The following RUNX1 variants were observed in gnomAD, a reference collection of about 807,000 sequenced individuals.
RUNX1 encodes the protein runt-related transcription factor 1.
Under a neutral mutation model 42.8 loss-of-function variants are expected in RUNX1, and 19 were observed. That is an observed-to-expected ratio of 0.44 (90% CI 0.31 to 0.65). The LOEUF is 0.65. Among genes scored for constraint, RUNX1 ranks in the 30% least tolerant of loss-of-function variants. The pLI is 0.07. For synonymous variants in RUNX1, 271 were observed against 289.4 expected (o/e 0.94, Z 0.64); for missense variants, 528 against 672.0 (o/e 0.79, Z 2.37).
intron 2 of RUNX1, among the ~76,000 whole-genome samples, chr21:34,935,086 G>A (rs560783637): frequency 6.6e-6 from 1 of 152,092 alleles, no homozygotes; most frequent in East Asian, 1.9e-4. Flanking sequence ...TATATGTTTT[G>A]AAGAGTGAAA....
intron 6 of RUNX1, among the ~76,000 whole-genome samples, chr21:34,851,836 GT>G (rs2057423496): frequency 2.0e-5 from 3 of 152,124 alleles, no homozygotes; most frequent in African/African-American, 7.2e-5. Context: ...CTCTTATTTT[GT>G]TTTCTTTCTA....
intron 2 of RUNX1, among the ~76,000 whole-genome samples, chr21:35,020,844 C>T (rs1434812999): frequency 1.3e-5 from 2 of 152,136 alleles, no homozygotes; most frequent in Non-Finnish European, 2.9e-5. Context: ...TATTTACAAC[C>T]TTTAAAAGTA....
intron 7 of RUNX1, among the ~76,000 whole-genome samples, chr21:34,826,434 C>CTTTTTTTTTT (rs772880673): frequency 4.0e-4 from 42 of 105,360 alleles, no homozygotes; most frequent in Non-Finnish European, 6.0e-4. Context: ...TTCTTTCTTT[C>CTTTTTTTTTT]TTTTTTTTTT....
chr21:34,885,192 T>TA (rs2057962710), intron 4 of RUNX1, among the ~76,000 whole-genome samples: 6 of 152,104 alleles, frequency 3.9e-5, no homozygotes, highest in Admixed American at 3.9e-4. Context: ...ACAAATCTCT[T>TA]AGAGCCCTAG....
chr21:34,804,726 G>C (rs1175720218), intron 7 of RUNX1, among the ~76,000 whole-genome samples: 2 of 150,262 alleles, frequency 1.3e-5, no homozygotes, highest in East Asian at 3.9e-4. Flanking sequence ...GGATGATGTA[G>C]GCAGGGAGAT....
At chr21:34,919,193 G>T (rs1283392519) in intron 2 of RUNX1, among the ~76,000 whole-genome samples, 1 of 152,142 alleles carries the variant, frequency 6.6e-6, no homozygotes, top group African/African-American at 2.4e-5. Flanking sequence ...AGACAATTTG[G>T]TTCCTGAGGC....
At chr21:35,039,570 T>C (rs1291700465) in intron 2 of RUNX1, among the ~76,000 whole-genome samples, 1 of 152,216 alleles carries the variant, frequency 6.6e-6, no homozygotes, top group Non-Finnish European at 1.5e-5. Flanking sequence ...TATAGAACAA[T>C]GTCTCATAGT....
chr21:34,991,309 AAG>A (rs35385541), intron 2 of RUNX1, among the ~76,000 whole-genome samples: 26,199 of 152,028 alleles, frequency 0.17, 2,572 homozygotes, highest in African/African-American at 0.25. Flanking sequence ...CCCCTTGTTA[AAG>A]AGAATATTCA....
At chr21:34,955,006 C>T (rs1006818187) in intron 2 of RUNX1, among the ~76,000 whole-genome samples, 9 of 152,092 alleles carry the variant, frequency 5.9e-5, no homozygotes, top group Admixed American at 3.9e-4. Flanking sequence ...CAGCTTGATT[C>T]CTGGGTGAGT....
chr21:34,850,589 T>C (rs1468396951), intron 6 of RUNX1, among the ~76,000 whole-genome samples: 1 of 152,210 alleles, frequency 6.6e-6, no homozygotes, highest in Non-Finnish European at 1.5e-5. Context: ...AGCACTGATG[T>C]TTGATGTCAC....
At chr21:34,973,012 T>C (rs1820057806) in intron 2 of RUNX1, among the ~76,000 whole-genome samples, 1 of 152,220 alleles carries the variant, frequency 6.6e-6, no homozygotes, top group African/African-American at 2.4e-5. Context: ...TTGAGAGCTC[T>C]TGTTGTGTAC....
In RUNX1 at chr21:34,834,512, C is replaced by T. The variant is rs2146075995; in HGVS notation, c.703G>A (p.Ala235Thr). ...GGGTGGTGTGGGCTGACCCTCATGG[C>T]TGTGCGCCGCAGCTGCTCCAGTTCA... The part of the protein sequence containing the change: ...LSELEQLRRT[A>T]MRVSPHHPAP... Residue 235 changes from alanine to threonine, a missense_variant, in exon 7 of 9, where the codon GCC becomes ACC. Physicochemically the swap from Ala to Thr is moderately conservative, Grantham distance 58 (BLOSUM62 0). Around this residue, in one of 3 missense-constraint regions of RUNX1, gnomAD observed 331 missense variants for 382.5 expected, o/e 0.87. Transcript: ENST00000675419. The T allele has an allele frequency of 1.2e-6, 2 of 1,613,180 alleles. No homozygotes were observed. Among genetic ancestry groups the T allele is most frequent in the Non-Finnish European group, 1.7e-6 (2 of 1,179,964 alleles).
chr21:34,943,340 T>A (rs2058541656), intron 2 of RUNX1, among the ~76,000 whole-genome samples: 1 of 149,240 alleles, frequency 6.7e-6, no homozygotes, highest in South Asian at 2.1e-4. Context: ...GATGTACCCA[T>A]CCAGGCTCCA....
At chr21:35,012,962 CG>C (rs1555915673) in intron 2 of RUNX1, among the ~76,000 whole-genome samples, 1 of 152,118 alleles carries the variant, frequency 6.6e-6, no homozygotes, top group Non-Finnish European at 1.5e-5. Context: ...CATAAATGAA[CG>C]GGCATGACTG....
chr21:34,885,704 A>C (rs2057973799), intron 4 of RUNX1, among the ~76,000 whole-genome samples: 1 of 152,230 alleles, frequency 6.6e-6, no homozygotes, highest in African/African-American at 2.4e-5. Context: ...GAACTATAAA[A>C]AGCTTATATT....
chr21:34,939,644 C>T (rs1338759249), intron 2 of RUNX1, among the ~76,000 whole-genome samples: 1 of 152,128 alleles, frequency 6.6e-6, no homozygotes, highest in East Asian at 1.9e-4. Context: ...CCCCCCACTG[C>T]AACAGGGGCT....
At chr21:34,906,131 T>C (rs1426207112) in intron 2 of RUNX1, among the ~76,000 whole-genome samples, 2 of 152,238 alleles carry the variant, frequency 1.3e-5, no homozygotes, top group Admixed American at 1.3e-4. Context: ...TTTTTTAAAC[T>C]AATATATAAG....
chr21:34,947,448 C>G (rs1376801041), intron 2 of RUNX1, among the ~76,000 whole-genome samples: 2 of 152,162 alleles, frequency 1.3e-5, no homozygotes, highest in Non-Finnish European at 2.9e-5. Context: ...ACATGAGTGA[C>G]TGAACAATCT....
At chr21:34,902,624 G>C (rs2058186220) in intron 2 of RUNX1, among the ~76,000 whole-genome samples, 1 of 152,108 alleles carries the variant, frequency 6.6e-6, no homozygotes, top group African/African-American at 2.4e-5. Context: ...AGTTATTGAT[G>C]ACTGGATTAA....
Sources: gnomAD v4.1 joint callset for allele counts (sites outside exome capture counted in the v4.1 genomes callset) on GRCh38, gnomAD v4.1.1 for gene constraint, gnomAD v4.1.1 regional missense constraint, MANE v1.5 for transcripts, NCBI Gene and HGNC (gene_info 2026-07-23, HGNC 2026-07-21) for gene names.